DRAXIN: variants seen among roughly 807,000 people sequenced by gnomAD.
DRAXIN encodes the protein dorsal repulsive axon guidance protein.
DRAXIN carries 27 observed loss-of-function variants against 33.9 expected under a neutral mutation model. The observed-to-expected ratio is 0.80, with a 90% CI of 0.59 to 1.10. The LOEUF (loss-of-function observed/expected upper bound fraction) is 1.10, where lower values mean the gene tolerates loss of function less well. DRAXIN is among the 50% of genes least tolerant of loss of function. The probability of loss-of-function intolerance (pLI) is 0.00; values close to 1 mark genes in which losing one functional copy is unlikely to be tolerated. For synonymous variants in DRAXIN, 178 were observed against 194.0 expected (o/e 0.92, Z 0.69); for missense variants, 371 against 460.8 (o/e 0.81, Z 1.78).
chr1:11,707,067 G>C (rs1055306401), intron 2 of DRAXIN, among the ~76,000 whole-genome samples: 1 of 152,118 alleles, frequency 6.6e-6, no homozygotes, highest in African/African-American at 2.4e-5. Flanking sequence ...CGGGCGCGAT[G>C]GTGGGCGCCT....
In DRAXIN at chr1:11,704,706, C is replaced by G. The variant is rs1230779846; in HGVS notation, c.-10-1543C>G. 6.6e-6 allele frequency among the ~76,000 whole-genome samples: 1 copy of G among 152,196 alleles called. No homozygotes were observed. The highest frequency in any genetic ancestry group is 2.4e-5 in the African/African-American group (1 of 41,456). ...CAAGCCTGTCCCAGGGTCCCACGCA[C>G]GTCACCAAGGCTCACCTAGTATCTT... is the stretch of plus-strand genomic sequence containing the variant. On this transcript the variant is annotated intron_variant, in intron 1 of 6. Transcript: ENST00000294485. The surrounding 1 kb of genome is among the most constrained non-coding windows in gnomAD (Gnocchi z 4.6).
At chr1:11,712,556 A>C in intron 5 of DRAXIN, 127 bp downstream of exon 5, 1 of 865,400 alleles carries the variant, frequency 1.2e-6, no homozygotes, top group Non-Finnish European at 1.8e-6. Flanking sequence ...AAATAATAAC[A>C]ACAGCTGCCA....
At chr1:11,718,141 TAA>T (rs60384383) in intron 6 of DRAXIN, among the ~76,000 whole-genome samples, 23 of 116,148 alleles carry the variant, frequency 2.0e-4, no homozygotes, top group African/African-American at 2.9e-4. Flanking sequence ...CCATCTCTGC[TAA>T]AAAAAAAAAA....
intron 1 of DRAXIN, among the ~76,000 whole-genome samples, chr1:11,697,865 C>T (rs1641215310): frequency 6.6e-6 from 1 of 152,178 alleles, no homozygotes; most frequent in Admixed American, 6.6e-5. Flanking sequence ...AGGCCCCTTC[C>T]TATTGGTCAG....
intron 1 of DRAXIN, among the ~76,000 whole-genome samples, chr1:11,693,372 G>C (rs1395469402): frequency 1.3e-5 from 2 of 151,972 alleles, no homozygotes; most frequent in African/African-American, 4.8e-5. Context: ...CCTCTGAGGG[G>C]ATTGTCTTGC....
intron 5 of DRAXIN, among the ~76,000 whole-genome samples, chr1:11,714,317 C>T (rs1478143078): frequency 6.6e-6 from 1 of 152,222 alleles, no homozygotes; most frequent in Non-Finnish European, 1.5e-5. Context: ...AGACATCATG[C>T]ACCGGATGGG....
At chr1:11,702,887 C>T (rs930334083) in intron 1 of DRAXIN, among the ~76,000 whole-genome samples, 1 of 152,102 alleles carries the variant, frequency 6.6e-6, no homozygotes, top group Non-Finnish European at 1.5e-5. Flanking sequence ...GGATTACAGG[C>T]GCATGCCATC....
chr1:11,719,453 G>A, intron 6 of DRAXIN, 131 bp from the exon 7 acceptor site: 5 of 740,692 alleles, frequency 6.8e-6, no homozygotes, highest in Admixed American at 2.7e-5. Context: ...TGGGGCTGCC[G>A]TGAGGAAGCT....
At chr1:11,712,297 C>A in intron 4 of DRAXIN, 43 bp from the exon 5 acceptor site, 1 of 1,610,452 alleles carries the variant, frequency 6.2e-7, no homozygotes, top group South Asian at 1.1e-5. Context: ...AACCTCTGCT[C>A]TGCTGGGCCC....
At chr1:11,716,013 G>T (rs1470855819) in intron 6 of DRAXIN, among the ~76,000 whole-genome samples, 1 of 152,180 alleles carries the variant, frequency 6.6e-6, no homozygotes, top group Non-Finnish European at 1.5e-5. Flanking sequence ...CTGACTACAG[G>T]CGCATGCCAC....
upstream of DRAXIN, among the ~76,000 whole-genome samples, chr1:11,689,122 C>T (rs189970083): frequency 6.6e-6 from 1 of 152,010 alleles, no homozygotes; most frequent in Admixed American, 6.6e-5. Context: ...ATGGCGAAAC[C>T]CTGTCTCTAC....
At chr1:11,688,047 G>T (rs1437578868), upstream of DRAXIN, among the ~76,000 whole-genome samples, 2 of 152,148 alleles carry the variant, frequency 1.3e-5, no homozygotes, top group Non-Finnish European at 2.9e-5. The surrounding 1 kb of genome is among the most constrained non-coding windows in gnomAD (Gnocchi z 4.6). Context: ...CCAGCCAGGG[G>T]ACAGCCACAG....
rs1641734989 is a variant in DRAXIN, at chr1:11,725,624, A to T, written c.*5928A>T. 1.3e-5 allele frequency: 2 copies of T among 152,260 alleles called. No individual in the cohort carries two copies. Among genetic ancestry groups the T allele is most frequent in the African/African-American group, 4.8e-5 (2 of 41,462 alleles). 9.4% of individuals were successfully genotyped at this position (152,260 alleles called of 1,614,324 possible). On this transcript the variant is annotated 3_prime_UTR_variant, in exon 7 of 7. Coordinates refer to ENST00000294485, the MANE Select transcript of DRAXIN (RefSeq NM_198545.4). ...ACAAACTCCCAGGCTCTGAGGCCCA[A>T]GCCTCCTGGGCTGCAACTGGTCTTT...
intron 1 of DRAXIN, among the ~76,000 whole-genome samples, chr1:11,701,972 C>A (rs1401418784): frequency 6.6e-6 from 1 of 151,938 alleles, no homozygotes; most frequent in Non-Finnish European, 1.5e-5. Context: ...GAGAGAGGGG[C>A]CCGTGTAGTC....
chr1:11,687,869 T>C (rs184758345), upstream of DRAXIN, among the ~76,000 whole-genome samples: 13 of 152,326 alleles, frequency 8.5e-5, no homozygotes, highest in East Asian at 3.9e-4. This position sits in a 1 kb window ranked among gnomAD's most constrained non-coding sequence, Gnocchi z 4.1. Context: ...CAGTCATCAG[T>C]TGATGAATAT....
rs982392999 is a variant in DRAXIN, at chr1:11,692,435, C to T, written c.-11+582C>T. Among the ~76,000 whole-genome samples, 2 of 152,220 alleles carry T rather than the reference C, an allele frequency of 1.3e-5. No individual in the cohort carries two copies. The highest frequency in any genetic ancestry group is 2.9e-5 in the Non-Finnish European group (2 of 68,036). ...CCGGAACCAGCACCGCCGGTGGCCC[C>T]GCGCCGTCCCATCTGTGCCCAGGAA... On this transcript the variant is annotated intron_variant, in intron 1 of 6. Transcript: ENST00000294485. This position sits in a 1 kb window ranked among gnomAD's most constrained non-coding sequence, Gnocchi z 5.8.
At position 11,692,659 on chromosome 1, in the gene DRAXIN, C is replaced by A. The variant is rs1421516599; in HGVS notation, c.-11+806C>A. On this transcript the variant is annotated intron_variant, in intron 1 of 6. Coordinates refer to ENST00000294485, the MANE Select transcript of DRAXIN (RefSeq NM_198545.4). The surrounding 1 kb of genome is among the most constrained non-coding windows in gnomAD (Gnocchi z 5.8). ...CTTTCTTGCTTTCCTCAGCTGGGTG[C>A]TCCCTGGGCCATCCTCTCCGCCCGG... 6.6e-6 allele frequency among the ~76,000 whole-genome samples: 1 copy of A among 152,202 alleles called. No homozygotes were observed. Among genetic ancestry groups the A allele is most frequent in the African/African-American group, 2.4e-5 (1 of 41,436 alleles).
At chr1:11,695,767 G>C (rs1032729111) in intron 1 of DRAXIN, among the ~76,000 whole-genome samples, 3 of 152,038 alleles carry the variant, frequency 2.0e-5, no homozygotes, top group Non-Finnish European at 2.9e-5. Flanking sequence ...GGAGGCTGAG[G>C]GTTGCTTCCC....
intron 1 of DRAXIN, among the ~76,000 whole-genome samples, chr1:11,697,046 A>G (rs1465865016): frequency 6.6e-6 from 1 of 151,104 alleles, no homozygotes; most frequent in Non-Finnish European, 1.5e-5. Flanking sequence ...AATAATTAAA[A>G]AAAAAAAAAA....
Sources: gnomAD v4.1 joint callset for allele counts (sites outside exome capture counted in the v4.1 genomes callset) on GRCh38, gnomAD v4.1.1 for gene constraint, Gnocchi (gnomAD v3.1) non-coding constraint, MANE v1.5 for transcripts, NCBI Gene and HGNC (gene_info 2026-07-23, HGNC 2026-07-21) for gene names.